Variants in LIFR observed in about 807,000 individuals in gnomAD.
LIFR encodes the protein LIF receptor subunit alpha, also known as leukemia inhibitory factor receptor.
In LIFR, 84 loss-of-function variants were observed where a neutral mutation model predicts 122.2. The observed-to-expected ratio is 0.69, with a 90% CI of 0.58 to 0.82. LIFR has a LOEUF of 0.82. LIFR is among the 40% of genes least tolerant of loss of function. LIFR has a pLI of 0.00. For synonymous variants in LIFR, 422 were observed against 434.7 expected (o/e 0.97, Z 0.36); for missense variants, 1,294 against 1,311.6 (o/e 0.99, Z 0.21).
intron 2 of LIFR, among the ~76,000 whole-genome samples, chr5:38,600,424 T>C (rs973409638): frequency 1.3e-5 from 2 of 152,358 alleles, no homozygotes; most frequent in Non-Finnish European, 2.9e-5. Context: ...CTTTACTTCC[T>C]TTAGTTTTAA....
chr5:38,605,163 C>T (rs1750300327), intron 2 of LIFR, among the ~76,000 whole-genome samples: 1 of 152,022 alleles, frequency 6.6e-6, no homozygotes, highest in South Asian at 2.1e-4. Flanking sequence ...GCACGTCTGG[C>T]CTCCACTTTA....
intron 1 of LIFR, among the ~76,000 whole-genome samples, chr5:38,572,580 A>G (rs540368391): frequency 6.6e-6 from 1 of 152,212 alleles, no homozygotes; most frequent in Non-Finnish European, 1.5e-5. Context: ...TCCAGAGCTT[A>G]TGACAGACAT....
chr5:38,515,213 C>T (rs1746008104), intron 5 of LIFR, among the ~76,000 whole-genome samples: 1 of 152,104 alleles, frequency 6.6e-6, no homozygotes, highest in East Asian at 1.9e-4. Context: ...GCTACTGGAG[C>T]CTCTGTGATG....
chr5:38,548,159 A>G (rs1402685292), intron 1 of LIFR, among the ~76,000 whole-genome samples: 1 of 152,090 alleles, frequency 6.6e-6, no homozygotes, highest in Non-Finnish European at 1.5e-5. Flanking sequence ...TACAAAAGAT[A>G]ATCTCAAAAA....
intron 18 of LIFR, among the ~76,000 whole-genome samples, chr5:38,484,229 C>CCTAGCA (rs1744154142): frequency 6.6e-6 from 1 of 152,236 alleles, no homozygotes; most frequent in African/African-American, 2.4e-5. Context: ...GTTCAGTCTT[C>CCTAGCA]CTAGCACCCA....
Position 38,479,357 on chromosome 5 carries a change from C to T in LIFR, c.*2238G>A, listed in dbSNP as rs1000635339. On this transcript the variant is annotated 3_prime_UTR_variant, in exon 20 of 20. Transcript: ENST00000453190. ...AAGTAGGGGAAAGGTGAGTGATATT[C>T]TGCACTTTTTTCATACAGAAAAAAA... 7 of 230,834 alleles carry T rather than the reference C, an allele frequency of 3.0e-5. No homozygotes were observed. Among genetic ancestry groups the T allele is most frequent in the Non-Finnish European group, 6.0e-5 (7 of 116,678 alleles). 14.3% of individuals were successfully genotyped at this position (230,834 alleles called of 1,614,324 possible). A position where few individuals can be genotyped will look rare whatever the true frequency, so the allele number is the denominator to read the frequency against.
intron 4 of LIFR, among the ~76,000 whole-genome samples, chr5:38,524,909 A>C (rs1284842725): frequency 6.6e-6 from 1 of 152,188 alleles, no homozygotes; most frequent in Admixed American, 6.5e-5. Context: ...AAAAACAAAT[A>C]GTTGTTACCT....
At chr5:38,538,743 T>C (rs966867971) in intron 1 of LIFR, among the ~76,000 whole-genome samples, 1 of 152,212 alleles carries the variant, frequency 6.6e-6, no homozygotes, top group Non-Finnish European at 1.5e-5. Flanking sequence ...TACAACCCTC[T>C]GGCAAGGGCC....
intron 1 of LIFR, among the ~76,000 whole-genome samples, chr5:38,570,434 TC>T (rs985600475): frequency 2.6e-5 from 4 of 152,196 alleles, no homozygotes; most frequent in Admixed American, 1.3e-4. Flanking sequence ...GTTCTTGTTT[TC>T]CTCTTATGAG....
At position 38,480,057 on chromosome 5, in the gene LIFR, C is replaced by CA. The variant is rs1032430244; in HGVS notation, c.*1537dup. 3.2e-5 allele frequency: 7 copies of CA among 222,104 alleles called. No homozygotes were observed. Among genetic ancestry groups the CA allele is most frequent in the East Asian group, 2.0e-4 (3 of 15,078 alleles). 13.8% of individuals were successfully genotyped at this position (222,104 alleles called of 1,614,324 possible). On this transcript the variant is annotated 3_prime_UTR_variant, in exon 20 of 20. Transcript: ENST00000453190. ...TTTTAAAAAGATACAATATGAGCTT[C>CA]AAAAAAAATTAATTGATCCATTATT...
At chr5:38,520,649 T>A (rs888443330) in intron 5 of LIFR, among the ~76,000 whole-genome samples, 7 of 152,194 alleles carry the variant, frequency 4.6e-5, no homozygotes, top group Admixed American at 1.3e-4. Context: ...CTTCTGCATA[T>A]GAATATCCAA....
intron 5 of LIFR, among the ~76,000 whole-genome samples, chr5:38,518,351 G>T (rs1746216014): frequency 6.6e-6 from 1 of 152,038 alleles, no homozygotes; most frequent in South Asian, 2.1e-4. Context: ...CTGTAAAATG[G>T]GAATAATAAT....
Position 38,527,206 on chromosome 5 carries a change from G to T in LIFR, c.346C>A (p.His116Asn). The T allele has an allele frequency of 1.3e-6, 2 of 1,586,866 alleles. No individual in the cohort carries two copies. The change falls in exon 4 of 20, where the codon CAT (histidine) becomes AAT (asparagine). Residue 116 changes from histidine (H) to asparagine (N), a missense_variant. His to Asn is a moderately conservative substitution (Grantham distance 68). Coordinates refer to ENST00000453190, the MANE Select transcript of LIFR (RefSeq NM_001127671.2). The part of the protein sequence containing the change: ...GDYEITINSL[H>N]DFGSSTSKFT... The stretch of plus-strand genomic sequence containing the variant: ...TTACTTGTAGAACTTCCAAAATCAT[G>T]TAGAGAATTTATTGTTATTTCATAA...
At chr5:38,511,706 A>C (rs1345054892) in intron 6 of LIFR, 84 bp downstream of exon 6, 1 of 1,310,562 alleles carries the variant, frequency 7.6e-7, no homozygotes, top group Non-Finnish European at 1.1e-6. Context: ...AGGTTATGAG[A>C]AGTGAAAGCT....
chr5:38,567,496 G>GTATTTATTTATT (rs56285132), intron 1 of LIFR, among the ~76,000 whole-genome samples: 27,643 of 132,592 alleles, frequency 0.21, 3,312 homozygotes, highest in East Asian at 0.37. Flanking sequence ...TGACCATTCT[G>GTATTTATTTATT]TATTTATTTA....
chr5:38,542,387 T>C (rs1210553248), intron 1 of LIFR, among the ~76,000 whole-genome samples: 4 of 152,178 alleles, frequency 2.6e-5, no homozygotes, highest in African/African-American at 4.8e-5. Flanking sequence ...ATGATGCCTC[T>C]AGTTATGACT....
intron 1 of LIFR, among the ~76,000 whole-genome samples, chr5:38,587,764 C>T (rs928999196): frequency 6.6e-6 from 1 of 152,212 alleles, no homozygotes; most frequent in Admixed American, 6.5e-5. Flanking sequence ...GGGCTAGATT[C>T]CCACCTTTTG....
At chr5:38,583,179 G>T (rs536683691) in intron 1 of LIFR, among the ~76,000 whole-genome samples, 1 of 152,258 alleles carries the variant, frequency 6.6e-6, no homozygotes, top group South Asian at 2.1e-4. Context: ...AAAATTATGA[G>T]TTATAAATTT....
intron 1 of LIFR, among the ~76,000 whole-genome samples, chr5:38,577,804 G>A (rs1393483181): frequency 2.6e-5 from 4 of 152,144 alleles, no homozygotes; most frequent in Admixed American, 2.6e-4. Flanking sequence ...AGAGCTAAGG[G>A]TCACTTAGAA....
Sources: allele counts gnomAD v4.1 joint callset (sites outside exome capture counted in the v4.1 genomes callset), GRCh38; gene constraint gnomAD v4.1.1; transcripts MANE v1.5; gene names NCBI Gene and HGNC (gene_info 2026-07-23, HGNC 2026-07-21).